SLCO3A1: variants seen among roughly 807,000 people sequenced by gnomAD.
SLCO3A1 encodes the protein PGE1 transporter.
SLCO3A1 carries 27 observed loss-of-function variants against 63.1 expected under a neutral mutation model. The observed-to-expected ratio is 0.43, with a 90% CI of 0.32 to 0.59. The LOEUF is 0.59. SLCO3A1 is among the 20% of genes least tolerant of loss of function. The pLI is 0.09. For synonymous variants in SLCO3A1, 473 were observed against 409.9 expected (o/e 1.15, Z -1.86); for missense variants, 773 against 945.8 (o/e 0.82, Z 2.40).
intron 3 of SLCO3A1, among the ~76,000 whole-genome samples, chr15:92,099,782 C>T (rs1245296577): frequency 1.3e-5 from 2 of 152,118 alleles, no homozygotes; most frequent in African/African-American, 4.8e-5. Flanking sequence ...TCTTGTAAGG[C>T]CAGGCATAGT....
In SLCO3A1 at chr15:91,968,712, G is replaced by A. The variant is rs1471681321; in HGVS notation, c.646+52254G>A. On this transcript the variant is annotated intron_variant, in intron 2 of 9. Transcript: ENST00000318445. The surrounding 1 kb of genome is among the most constrained non-coding windows in gnomAD (Gnocchi z 4.2). ...ACGCAGACCCGCAAGCACAGCCTTC[G>A]CACGTGTGCTCACACAGCCGCAGTA... Among the ~76,000 whole-genome samples the A allele has an allele frequency of 2.0e-5, 3 of 152,168 alleles. No individual in the cohort carries two copies. The highest frequency in any genetic ancestry group is 2.1e-4 in the South Asian group (1 of 4,834).
At chr15:92,071,809 C>T (rs182026570) in intron 2 of SLCO3A1, among the ~76,000 whole-genome samples, 22 of 152,322 alleles carry the variant, frequency 1.4e-4, no homozygotes, top group South Asian at 2.1e-4. Flanking sequence ...TGATCACAGG[C>T]GGCTGTGTCT....
Position 91,862,619 on chromosome 15 carries a change from C to T in SLCO3A1, c.180+8531C>T, listed in dbSNP as rs891297939. Among the ~76,000 whole-genome samples the T allele has an allele frequency of 2.6e-5, 4 of 152,146 alleles. No individual in the cohort carries two copies. Among genetic ancestry groups the T allele is most frequent in the Admixed American group, 2.0e-4 (3 of 15,274 alleles). ...AGCTCTAAAGTCTCTTCTGGCTCTC[C>T]GTCCATTGATACCTAAATTTCTAGT... On this transcript the variant is annotated intron_variant, in intron 1 of 9. Coordinates refer to ENST00000318445, the MANE Select transcript of SLCO3A1 (RefSeq NM_013272.4). The surrounding 1 kb of genome is among the most constrained non-coding windows in gnomAD (Gnocchi z 4.0).
intron 2 of SLCO3A1, among the ~76,000 whole-genome samples, chr15:92,076,592 G>A (rs1480954668): frequency 6.6e-6 from 1 of 152,094 alleles, no homozygotes; most frequent in African/African-American, 2.4e-5. Flanking sequence ...CACCCACTCT[G>A]CCCCCAGAGC....
At chr15:91,974,675 C>G (rs1180786302) in intron 2 of SLCO3A1, among the ~76,000 whole-genome samples, 3 of 152,244 alleles carry the variant, frequency 2.0e-5, no homozygotes. Context: ...AATTGGGTGC[C>G]TCCTGCAAGT....
chr15:91,938,040 A>G (rs1476762649), intron 2 of SLCO3A1, among the ~76,000 whole-genome samples: 2 of 152,174 alleles, frequency 1.3e-5, no homozygotes, highest in East Asian at 3.9e-4. Context: ...GCAATCAGGG[A>G]AAATTAGCTT....
chr15:92,032,937 C>T (rs1355293635), intron 2 of SLCO3A1, among the ~76,000 whole-genome samples: 5 of 13,842 alleles, frequency 3.6e-4, no homozygotes, highest in African/African-American at 4.7e-4. Flanking sequence ...GCGGGGCGGG[C>T]GGGGTGAGAG....
At chr15:91,876,273 A>T (rs1011427459) in intron 1 of SLCO3A1, among the ~76,000 whole-genome samples, 1 of 152,238 alleles carries the variant, frequency 6.6e-6, no homozygotes, top group African/African-American at 2.4e-5. Context: ...ACCAAATGAG[A>T]TAAAGTGTGT....
intron 2 of SLCO3A1, among the ~76,000 whole-genome samples, chr15:91,944,887 C>T (rs932682658): frequency 6.6e-6 from 1 of 152,166 alleles, no homozygotes; most frequent in African/African-American, 2.4e-5. Context: ...CTTAAGCTTT[C>T]TGTAGTACAT....
intron 2 of SLCO3A1, among the ~76,000 whole-genome samples, chr15:91,931,801 G>GCA (rs747533145): frequency 0.03 from 4,511 of 149,842 alleles, 158 homozygotes; most frequent in African/African-American, 0.084. Context: ...ACACACACAC[G>GCA]CACACACACA....
chr15:91,894,416 TGTG>T lies in SLCO3A1; in HGVS notation c.181-21571_181-21569del, dbSNP rs905890074. On this transcript the variant is annotated intron_variant, in intron 1 of 9. Coordinates refer to ENST00000318445, the MANE Select transcript of SLCO3A1 (RefSeq NM_013272.4). This position sits in a 1 kb window ranked among gnomAD's most constrained non-coding sequence, Gnocchi z 4.8. ...GGACAATGGGGAGAGGCATGGCAGG[TGTG>T]GTGGTATCTCAGGTGAGGGGTTGAT... is the stretch of plus-strand genomic sequence containing the variant. 9.2e-5 allele frequency among the ~76,000 whole-genome samples: 14 copies of T among 151,680 alleles called. No homozygotes were observed. The highest frequency in any genetic ancestry group is 3.4e-4 in the African/African-American group (14 of 41,278).
intron 2 of SLCO3A1, among the ~76,000 whole-genome samples, chr15:92,009,794 G>C (rs2046349641): frequency 2.0e-5 from 3 of 152,214 alleles, no homozygotes; most frequent in Admixed American, 2.0e-4. Context: ...GTAACATGAA[G>C]CAATACAAAG....
chr15:92,165,759 C>T lies in SLCO3A1; in HGVS notation c.*2624C>T. ...GTCTAGTTTTAATTTGCCTTTTGTG[C>T]TCTAAAGAAGCATTGTACATACAAC... is the stretch of plus-strand genomic sequence containing the variant. On this transcript the variant is annotated 3_prime_UTR_variant, in exon 10 of 10. Coordinates refer to ENST00000318445, the MANE Select transcript of SLCO3A1 (RefSeq NM_013272.4). 1.0e-6 allele frequency: 1 copy of T among 983,868 alleles called. No individual in the cohort carries two copies. Among genetic ancestry groups the T allele is most frequent in the Non-Finnish European group, 1.2e-6 (1 of 829,330 alleles). 60.9% of individuals were successfully genotyped at this position (983,868 alleles called of 1,614,324 possible). A position where few individuals can be genotyped will look rare whatever the true frequency, so the allele number is the denominator to read the frequency against.
chr15:91,895,639 G>C (rs2151360519), intron 1 of SLCO3A1, among the ~76,000 whole-genome samples: 1 of 152,318 alleles, frequency 6.6e-6, no homozygotes, highest in African/African-American at 2.4e-5. Flanking sequence ...AGTGCTTCTA[G>C]TAGTTCTTAA....
chr15:92,020,852 C>T (rs1349133937), intron 2 of SLCO3A1, among the ~76,000 whole-genome samples: 1 of 152,212 alleles, frequency 6.6e-6, no homozygotes, highest in Non-Finnish European at 1.5e-5. Flanking sequence ...GATATTCTTC[C>T]AAGCCGACTT....
intron 2 of SLCO3A1, among the ~76,000 whole-genome samples, chr15:92,087,180 A>G (rs940564465): frequency 5.8e-5 from 8 of 137,048 alleles, no homozygotes; most frequent in African/African-American, 2.2e-4. Flanking sequence ...CACCGCCTAT[A>G]GTTGCAAATT....
intron 2 of SLCO3A1, among the ~76,000 whole-genome samples, chr15:92,085,247 G>C (rs1437355556): frequency 6.6e-6 from 1 of 152,236 alleles, no homozygotes; most frequent in Non-Finnish European, 1.5e-5. Context: ...CTTCCCTGCT[G>C]TAAGTTTTGA....
intron 2 of SLCO3A1, among the ~76,000 whole-genome samples, chr15:92,024,171 A>G (rs959657755): frequency 6.6e-6 from 1 of 152,262 alleles, no homozygotes; most frequent in African/African-American, 2.4e-5. Flanking sequence ...AACATGAATG[A>G]AAAAAGCAAA....
At chr15:92,059,591 A>G (rs553363020) in intron 2 of SLCO3A1, among the ~76,000 whole-genome samples, 1 of 152,254 alleles carries the variant, frequency 6.6e-6, no homozygotes, top group South Asian at 2.1e-4. Flanking sequence ...CCCCGACCAG[A>G]TGGCACACGA....
Sources: allele counts gnomAD v4.1 joint callset (sites outside exome capture counted in the v4.1 genomes callset), GRCh38; gene constraint gnomAD v4.1.1; non-coding constraint Gnocchi (gnomAD v3.1); transcripts MANE v1.5; gene names NCBI Gene and HGNC (gene_info 2026-07-23, HGNC 2026-07-21).